Variants in CEP63 observed in about 807,000 individuals in gnomAD.
CEP63 encodes centrosomal protein 63.
CEP63 carries 84 observed loss-of-function variants against 89.1 expected under a neutral mutation model. The ratio of observed to expected loss-of-function variants is 0.94; its 90% CI spans 0.79 to 1.13. CEP63 has a LOEUF of 1.13. Among genes scored for constraint, CEP63 ranks in the 50% most tolerant of loss-of-function variants. CEP63 has a pLI of 0.00. For synonymous variants in CEP63, 267 were observed against 272.5 expected (o/e 0.98, Z 0.20); for missense variants, 838 against 813.3 (o/e 1.03, Z -0.37).
At chr3:134,726,497 C>T in the CEP63 span, among the ~76,000 whole-genome samples, 5 of 151,370 alleles carry the variant, frequency 3.3e-5, no homozygotes, top group Non-Finnish European at 7.4e-5. Flanking sequence ...CACACACACA[C>T]ACACACACAG....
At chr3:134,662,040 G>A in the CEP63 span, among the ~76,000 whole-genome samples, 1 of 152,206 alleles carries the variant, frequency 6.6e-6, no homozygotes, top group East Asian at 1.9e-4. Flanking sequence ...CACTGCGGAG[G>A]CCGAGGTGGG....
chr3:134,486,582 C>T, intron 1 of CEP63: 1 of 950,048 alleles, frequency 1.1e-6, no homozygotes, highest in South Asian at 5.0e-5. Flanking sequence ...GCGCCCAGTA[C>T]TCACCTTCCC....
intron 3 of CEP63, among the ~76,000 whole-genome samples, chr3:134,526,294 C>T (rs1234401373): frequency 6.6e-6 from 1 of 151,938 alleles, no homozygotes; most frequent in African/African-American, 2.4e-5. Context: ...TGGTCATATT[C>T]CTTTCTATAC....
At chr3:134,697,598 G>A in the CEP63 span, among the ~76,000 whole-genome samples, 2 of 152,142 alleles carry the variant, frequency 1.3e-5, no homozygotes, top group African/African-American at 2.4e-5. Flanking sequence ...CAGCACTCAT[G>A]CTCTTTGCTC....
chr3:134,530,239 T>G (rs1438918967), intron 3 of CEP63, among the ~76,000 whole-genome samples: 2 of 152,210 alleles, frequency 1.3e-5, no homozygotes, highest in East Asian at 3.8e-4. Context: ...AGTCATGTGC[T>G]TTGTATTTCA....
chr3:134,726,295 C>T, the CEP63 span, among the ~76,000 whole-genome samples: 10 of 152,120 alleles, frequency 6.6e-5, no homozygotes, highest in African/African-American at 1.2e-4. Flanking sequence ...CCTTTCTGGG[C>T]GCCACCAGGC....
At chr3:134,497,356 G>A (rs1013458694) in intron 2 of CEP63, among the ~76,000 whole-genome samples, 4 of 152,040 alleles carry the variant, frequency 2.6e-5, no homozygotes, top group Admixed American at 2.0e-4. Flanking sequence ...GTGTACTGAA[G>A]CATTTCCTCT....
the CEP63 span, among the ~76,000 whole-genome samples, chr3:134,704,930 C>G: frequency 2.0e-5 from 3 of 152,154 alleles, no homozygotes; most frequent in African/African-American, 7.2e-5. Context: ...CAGCTTGATT[C>G]TCTTCTAACA....
chr3:134,600,694 A>G, the CEP63 span: 1 of 152,220 alleles, frequency 6.6e-6, no homozygotes, highest in Non-Finnish European at 1.5e-5. Flanking sequence ...CAATCCTTCA[A>G]TGGTATAGTA....
At chr3:134,623,904 T>C in the CEP63 span, among the ~76,000 whole-genome samples, 1 of 152,088 alleles carries the variant, frequency 6.6e-6, no homozygotes, top group Non-Finnish European at 1.5e-5. Flanking sequence ...CCCTATGGGC[T>C]TCCTCCACCC....
intron 3 of CEP63, among the ~76,000 whole-genome samples, chr3:134,529,868 ATT>A (rs58922185): frequency 3.9e-5 from 4 of 103,128 alleles, no homozygotes; most frequent in Admixed American, 1.2e-4. Context: ...AGGTTAAGAA[ATT>A]TTTTTTTTTT....
chr3:134,532,040 A>G (rs1296534575), intron 4 of CEP63, 100 bp downstream of exon 4: 2 of 726,978 alleles, frequency 2.8e-6, no homozygotes, highest in Non-Finnish European at 4.8e-6. Flanking sequence ...GTAAAGTGGG[A>G]AATACATACT....
At chr3:134,769,339 A>G in the CEP63 span, among the ~76,000 whole-genome samples, 10 of 152,220 alleles carry the variant, frequency 6.6e-5, no homozygotes, top group South Asian at 1.7e-3. Flanking sequence ...AGGCCCCCCA[A>G]CCCCAGGTAA....
intron 2 of CEP63, among the ~76,000 whole-genome samples, chr3:134,498,789 G>A (rs930205131): frequency 1.3e-5 from 2 of 152,096 alleles, no homozygotes; most frequent in Non-Finnish European, 2.9e-5. Context: ...TGCTTTTTCT[G>A]TATCTGTTGA....
chr3:134,587,144 C>T (rs969846588), intron 10 of CEP63, among the ~76,000 whole-genome samples: 3 of 152,170 alleles, frequency 2.0e-5, no homozygotes, highest in Non-Finnish European at 2.9e-5. Context: ...GAACATGCTT[C>T]GTTCGCTCAG....
chr3:134,629,539 G>T, the CEP63 span: 1 of 1,047,790 alleles, frequency 9.5e-7, no homozygotes, highest in Non-Finnish European at 1.4e-6. Context: ...CTCAGAAGAT[G>T]CTTGGGCTGG....
the CEP63 span, among the ~76,000 whole-genome samples, chr3:134,681,491 T>A: frequency 1.3e-5 from 2 of 152,254 alleles, no homozygotes; most frequent in South Asian, 4.1e-4. Flanking sequence ...TGACCTAGCA[T>A]GTTAAGAAGC....
At chr3:134,681,055 A>T in the CEP63 span, among the ~76,000 whole-genome samples, 1 of 152,184 alleles carries the variant, frequency 6.6e-6, no homozygotes, top group Non-Finnish European at 1.5e-5. Context: ...TCGGAGCAGG[A>T]CAAGGTTCAA....
chr3:134,587,752 A>G (rs1473086429), exon 11 of CEP63, among the ~76,000 whole-genome samples: 1 of 152,026 alleles, frequency 6.6e-6, no homozygotes, highest in African/African-American at 2.4e-5. Flanking sequence ...GAAATGCAGA[A>G]ATCACCTGTC....
Sources: allele counts gnomAD v4.1 joint callset (sites outside exome capture counted in the v4.1 genomes callset), GRCh38; gene constraint gnomAD v4.1.1; transcripts MANE v1.5; gene names NCBI Gene and HGNC (gene_info 2026-07-23, HGNC 2026-07-21).